TOP2A: variants seen among roughly 807,000 people sequenced by gnomAD.
The protein encoded by TOP2A is DNA topoisomerase 2-alpha.
A neutral mutation model predicts 187.2 loss-of-function variants in TOP2A; 68 were observed. That is an observed-to-expected ratio of 0.36 (90% CI 0.30 to 0.44). The LOEUF is 0.44. TOP2A is among the 20% of genes least tolerant of loss of function. The pLI is 1.00. For missense variants in TOP2A, 1,196 were observed against 1,808.7 expected (o/e 0.66, Z 6.14); for synonymous variants, 542 against 593.2 (o/e 0.91, Z 1.25).
chr17:40,392,838 C>T, intron 29 of TOP2A, 101 bp from the exon 30 acceptor site: 1 of 956,344 alleles, frequency 1.0e-6, no homozygotes, highest in Non-Finnish European at 1.5e-6. Flanking sequence ...TGTGATAGTT[C>T]TGAGAATACA....
Position 40,389,171 on chromosome 17 carries a change from T to A in TOP2A, c.*348A>T, listed in dbSNP as rs1235413567. ...GTGACACTTTTAAATCAAACTGCTC[T>A]AGTTTTAGCTTAGTGGATGGTTAAT... On this transcript the variant is annotated 3_prime_UTR_variant, in exon 35 of 35. Transcript: ENST00000423485. 2 of 237,100 alleles carry A rather than the reference T, an allele frequency of 8.4e-6. No individual in the cohort carries two copies. Among genetic ancestry groups the A allele is most frequent in the African/African-American group, 4.4e-5 (2 of 45,286 alleles). The allele number at this position is 237,100 out of a possible 1,614,324, so 14.7% of individuals were successfully genotyped here.
chr17:40,398,678 T>A (rs778376643), intron 26 of TOP2A, 37 bp from the exon 27 acceptor site: 1 of 1,604,840 alleles, frequency 6.2e-7, no homozygotes, highest in African/African-American at 1.3e-5. Context: ...TTAATATATG[T>A]ATACAAGCAG....
intron 21 of TOP2A, 49 bp downstream of exon 21, chr17:40,400,801 C>A (rs767230455): frequency 6.3e-7 from 1 of 1,589,968 alleles, no homozygotes; most frequent in Non-Finnish European, 8.6e-7. Flanking sequence ...ATCTATTCAA[C>A]TGAAACCCAA....
Position 40,404,217 on chromosome 17 carries a change from G to C in TOP2A, c.2218C>G (p.Arg740Gly), listed in dbSNP as rs757791718. ...LFTCFKRNDKREVKVAQLAGS... is the reference protein window; with the variant it reads ...LFTCFKRNDKGEVKVAQLAGS... ...GCTAATTGGGCAACCTTTACTTCTCGCTTGTCATTCCGTTTGAAGCAAGTA... is the reference window on the plus strand; with the variant it reads ...GCTAATTGGGCAACCTTTACTTCTCCCTTGTCATTCCGTTTGAAGCAAGTA... Residue 740 changes from arginine (R) to glycine (G), a missense_variant, in exon 19 of 35, where the codon CGA (arginine) becomes GGA (glycine). Around this residue, in one of 10 missense-constraint regions of TOP2A, gnomAD observed 209 missense variants for 376.9 expected, o/e 0.55. Coordinates refer to ENST00000423485, the MANE Select transcript of TOP2A (RefSeq NM_001067.4). 1 of 1,613,682 alleles carries C rather than the reference G, an allele frequency of 6.2e-7. No homozygotes were observed. The highest frequency in any genetic ancestry group is 1.3e-5 in the African/African-American group (1 of 74,916).
At chr17:40,403,748 A>G (rs1056767324) in intron 19 of TOP2A, among the ~76,000 whole-genome samples, 1 of 152,158 alleles carries the variant, frequency 6.6e-6, no homozygotes, top group Admixed American at 6.5e-5. Context: ...ATTTTTAGTT[A>G]TTGTTCTGTC....
chr17:40,400,718 A>G, intron 21 of TOP2A, 55 bp from the exon 22 acceptor site: 1 of 1,556,040 alleles, frequency 6.4e-7, no homozygotes, highest in Non-Finnish European at 8.7e-7. Flanking sequence ...CTAGACGGAA[A>G]TCACAACAGC....
At chr17:40,391,056 G>C (rs924115091) in intron 33 of TOP2A, among the ~76,000 whole-genome samples, 3 of 151,446 alleles carry the variant, frequency 2.0e-5, no homozygotes, top group Admixed American at 2.0e-4. Flanking sequence ...TAAACATTTG[G>C]ACTACCTTAT....
At chr17:40,413,987 C>T (rs1164714696) in intron 4 of TOP2A, among the ~76,000 whole-genome samples, 2 of 152,090 alleles carry the variant, frequency 1.3e-5, no homozygotes, top group African/African-American at 4.8e-5. Flanking sequence ...TCATATATAC[C>T]TTCTGAAATT....
chr17:40,389,715 T>C (rs2143615218), intron 34 of TOP2A, 68 bp from the exon 35 acceptor site: 1 of 1,541,670 alleles, frequency 6.5e-7, no homozygotes, highest in Non-Finnish European at 8.8e-7. Context: ...TGTAAAAAAA[T>C]GTATCAAGAC....
intron 29 of TOP2A, among the ~76,000 whole-genome samples, chr17:40,394,053 G>A (rs1438744955): frequency 3.3e-5 from 4 of 119,688 alleles, no homozygotes; most frequent in South Asian, 2.7e-4. Context: ...GCGACAGAGC[G>A]AAACTCTGCC....
chr17:40,389,050 T>C lies in TOP2A; in HGVS notation c.*469A>G, dbSNP rs77924872. ...TAGTAGAGTATCTGTACTAGAACCA[T>C]AAAGTTCTATCTGATGGTAAATTAT... On this transcript the variant is annotated 3_prime_UTR_variant, in exon 35 of 35. Coordinates refer to ENST00000423485, the MANE Select transcript of TOP2A (RefSeq NM_001067.4). The C allele has an allele frequency of 0.016, 3,482 of 217,090 alleles. 42 individuals are homozygous for C. Among genetic ancestry groups the C allele is most frequent in the Non-Finnish European group, 0.024 (2,521 of 107,048 alleles). The allele number at this position is 217,090 out of a possible 1,614,324, so 13.4% of individuals were successfully genotyped here.
intron 10 of TOP2A, chr17:40,409,148 C>T (rs371770766): frequency 5.0e-5 from 15 of 300,564 alleles, no homozygotes; most frequent in East Asian, 2.0e-4. Flanking sequence ...GAGCCAAGAT[C>T]GCACCATTGC....
chr17:40,401,223 C>G lies in TOP2A; in HGVS notation c.2433-142G>C, dbSNP rs1411065345. 10 of 716,182 alleles carry G rather than the reference C, an allele frequency of 1.4e-5. No homozygotes were observed. In the East Asian group the frequency reaches 2.7e-4, roughly 19 times the overall value. The allele number at this position is 716,182 out of a possible 1,614,324, so 44.4% of individuals were successfully genotyped here. On this transcript the variant is annotated intron_variant, in intron 20 of 34. Transcript: ENST00000423485. ...TATACATTTAACAATATTTATTGAG[C>G]ACTTGCTATGTGTCACGCACATGGA...
chr17:40,406,934 A>G lies in TOP2A; in HGVS notation c.1635T>C (p.Asp545=). ...TCAGCAAGCCTTTGATGTGGGAACCATCTTGGTCCTAGAAAGATTTGAAAG... is the reference window on the plus strand; with the variant it reads ...TCAGCAAGCCTTTGATGTGGGAACCGTCTTGGTCCTAGAAAGATTTGAAAG... ...KIMIMTDQDQ[D]GSHIKGLLIN... The change falls in exon 14 of 35, where the codon GAT becomes GAC. Residue 545 remains aspartate, a synonymous_variant. Coordinates refer to ENST00000423485, the MANE Select transcript of TOP2A (RefSeq NM_001067.4). 1 of 1,594,146 alleles carries G rather than the reference A, an allele frequency of 6.3e-7. No individual in the cohort carries two copies. The highest frequency in any genetic ancestry group is 1.7e-4 in the Middle Eastern group (1 of 6,048).
intron 4 of TOP2A, among the ~76,000 whole-genome samples, chr17:40,415,413 T>C (rs1235746820): frequency 6.6e-6 from 1 of 152,086 alleles, no homozygotes; most frequent in Non-Finnish European, 1.5e-5. Flanking sequence ...CAGGTATACT[T>C]TGTCATAATC....
rs917139268 is a variant in TOP2A at position 40,416,513 on chromosome 17, C to T, written c.178-1G>A. On this transcript the variant is annotated splice_acceptor_variant, in intron 2 of 34. Transcript: ENST00000423485. LOFTEE classifies it high-confidence loss of function. ...CATCTTCATCGTAAACCCACATTTG[C>T]TAGAAATAAGGCAAAGAAATACTGT... 6.3e-7 allele frequency: 1 copy of T among 1,594,702 alleles called. No individual in the cohort carries two copies. Among genetic ancestry groups the T allele is most frequent in the South Asian group, 1.1e-5 (1 of 89,136 alleles).
chr17:40,390,086 G>T lies in TOP2A; in HGVS notation c.4346C>A (p.Ser1449Tyr). ...KGTKRDPALN[S>Y]GVSQKPDPAK... is the part of the protein sequence containing the mutation. ...AGGATCAGGCTTTTGAGAGACACCA[G>T]AATTCAAAGCTGGATCCCTTTTAGT... is the stretch of plus-strand genomic sequence containing the variant. The change falls in exon 34 of 35, where the codon TCT becomes TAT. Residue 1449 changes from serine to tyrosine, a missense_variant. Ser to Tyr is a moderately radical substitution (Grantham distance 144, BLOSUM62 -2). Coordinates refer to ENST00000423485, the MANE Select transcript of TOP2A (RefSeq NM_001067.4). 6.2e-7 allele frequency: 1 copy of T among 1,613,834 alleles called. No individual in the cohort carries two copies. The highest frequency in any genetic ancestry group is 8.5e-7 in the Non-Finnish European group (1 of 1,179,812).
At chr17:40,390,238 G>A (rs2035005606) in intron 33 of TOP2A, 74 bp from the exon 34 acceptor site, 1 of 1,368,744 alleles carries the variant, frequency 7.3e-7, no homozygotes, top group South Asian at 1.5e-5. Context: ...GTCCAGGCTG[G>A]AGTGCAGTGG....
chr17:40,392,628 ATTACTTTCGTCACTGC>A lies in TOP2A; in HGVS notation c.3905_3920del (p.Ser1302IlefsTer63). 6.2e-7 allele frequency: 1 copy of A among 1,613,048 alleles called. No homozygotes were observed. Among genetic ancestry groups the A allele is most frequent in the South Asian group, 1.1e-5 (1 of 90,864 alleles). ...CTGTTTCTCGTGGAGGGACATCAAA[ATTACTTTCGTCACTGC>A]TCCTATCTGATTCTGAATCAGACCA... is the stretch of plus-strand genomic sequence containing the variant. On this transcript the variant is annotated frameshift_variant, in exon 30 of 35. Coordinates refer to ENST00000423485, the MANE Select transcript of TOP2A (RefSeq NM_001067.4). LOFTEE classifies it high-confidence loss of function.
Sources: allele counts gnomAD v4.1 joint callset (sites outside exome capture counted in the v4.1 genomes callset), GRCh38; gene constraint gnomAD v4.1.1; regional missense constraint gnomAD v4.1.1; transcripts MANE v1.5; gene names NCBI Gene and HGNC (gene_info 2026-07-23, HGNC 2026-07-21).